Variants in DOCK7 observed in about 807,000 individuals in gnomAD.
DOCK7 encodes the protein dedicator of cytokinesis protein 7.
Under a neutral mutation model 271.0 loss-of-function variants are expected in DOCK7, and 138 were observed. The ratio of observed to expected loss-of-function variants is 0.51; its 90% CI spans 0.44 to 0.59. The LOEUF (loss-of-function observed/expected upper bound fraction) is 0.59, where lower values mean the gene tolerates loss of function less well. DOCK7 is among the 20% of genes least tolerant of loss of function. DOCK7 has a pLI of 0.00. For missense variants in DOCK7, 2,066 were observed against 2,592.4 expected, an observed-to-expected ratio of 0.80 and a Z score of 4.41; for synonymous variants, 823 against 876.1, an observed-to-expected ratio of 0.94 and a Z score of 1.07.
chr1:62,653,942 T>C (rs1657676383), intron 3 of DOCK7, 42 bp downstream of exon 3: 1 of 1,590,376 alleles, frequency 6.3e-7, no homozygotes, highest in African/African-American at 1.4e-5. Context: ...GTAGCCTTTC[T>C]ATAGTTCCTC....
chr1:62,512,848 C>T (rs2149337986), intron 33 of DOCK7, among the ~76,000 whole-genome samples: 1 of 151,792 alleles, frequency 6.6e-6, no homozygotes, highest in East Asian at 1.9e-4. Context: ...GAGGTCAATG[C>T]TGCAGTAAGC....
intron 7 of DOCK7, among the ~76,000 whole-genome samples, chr1:62,642,407 TCTA>T (rs1656149745): frequency 6.6e-6 from 1 of 152,128 alleles, no homozygotes; most frequent in South Asian, 2.1e-4. Flanking sequence ...CCTGGCCTGT[TCTA>T]CTTTTTCTAA....
rs1219021390 is a variant in DOCK7, at chr1:62,504,786, TA to T, written c.4612-5del. On this transcript the variant is annotated splice_region_variant and splice_polypyrimidine_tract_variant and intron_variant, in intron 36 of 49. Coordinates refer to ENST00000635253, the MANE Select transcript of DOCK7 (RefSeq NM_001367561.1). Reference sequence around the variant, plus strand: ...CTTCAAATAAGAGTTCAGGAAACTGTAAAACAACAAAACAAACCACCACTGA... The same window carrying T: ...CTTCAAATAAGAGTTCAGGAAACTGTAAACAACAAAACAAACCACCACTGA... The T allele has an allele frequency of 6.2e-7, 1 of 1,608,586 alleles. No homozygotes were observed. Among genetic ancestry groups the T allele is most frequent in the East Asian group, 2.2e-5 (1 of 44,842 alleles).
At chr1:62,544,921 A>G (rs1645652058) in intron 23 of DOCK7, 26 bp downstream of exon 23, 8 of 1,520,740 alleles carry the variant, frequency 5.3e-6, no homozygotes, top group Non-Finnish European at 7.1e-6. Flanking sequence ...AGCAGCCAAT[A>G]AAGAAACCTC....
rs532099234 is a variant in DOCK7 at position 62,622,795 on chromosome 1, T to C, written c.1425+2464A>G. Among the ~76,000 whole-genome samples the C allele has an allele frequency of 6.8e-4, 103 of 152,048 alleles. 2 individuals carry two copies. In the South Asian group the frequency reaches 0.02, roughly 30 times the overall value. ...AATACAAAAAATTAGCCAGGCATGGTGGCAGGCGCCTGTAGTCCCAGCTAC... is the reference window on the plus strand; with the variant it reads ...AATACAAAAAATTAGCCAGGCATGGCGGCAGGCGCCTGTAGTCCCAGCTAC... On this transcript the variant is annotated intron_variant, in intron 12 of 49. Coordinates refer to ENST00000635253, the MANE Select transcript of DOCK7 (RefSeq NM_001367561.1).
chr1:62,460,098 C>CAAAA (rs71053316), intron 48 of DOCK7, among the ~76,000 whole-genome samples: 13 of 66,010 alleles, frequency 2.0e-4, no homozygotes, highest in Middle Eastern at 0.014. Context: ...AGACTCGTCT[C>CAAAA]AAAAAAAAAA....
chr1:62,652,959 A>G (rs1301193088), intron 4 of DOCK7, among the ~76,000 whole-genome samples: 1 of 152,234 alleles, frequency 6.6e-6, no homozygotes, highest in Non-Finnish European at 1.5e-5. Context: ...GAAATAAGAC[A>G]GCCATGAGGG....
chr1:62,571,286 C>A (rs566514244), intron 18 of DOCK7, among the ~76,000 whole-genome samples: 2 of 152,058 alleles, frequency 1.3e-5, no homozygotes, highest in Admixed American at 6.6e-5. Context: ...ATGTGGCCAA[C>A]AAACATACGA....
chr1:62,680,740 T>A (rs2149772981), intron 1 of DOCK7, among the ~76,000 whole-genome samples: 1 of 151,420 alleles, frequency 6.6e-6, no homozygotes, highest in East Asian at 1.9e-4. Flanking sequence ...GAACAGACAC[T>A]TCTCAAAAGA....
intron 14 of DOCK7, among the ~76,000 whole-genome samples, chr1:62,599,529 C>A (rs1010650310): frequency 2.6e-5 from 4 of 152,028 alleles, no homozygotes; most frequent in Non-Finnish European, 4.4e-5. Flanking sequence ...TTTAACATAA[C>A]ATAAATTTTA....
At chr1:62,528,054 G>T in intron 31 of DOCK7, 97 bp downstream of exon 31, 2 of 1,249,674 alleles carry the variant, frequency 1.6e-6, no homozygotes, top group Non-Finnish European at 2.1e-6. Context: ...GAGCACTTTT[G>T]CATCAGCTGA....
chr1:62,662,304 A>T (rs1242387007), intron 2 of DOCK7, among the ~76,000 whole-genome samples: 1 of 152,194 alleles, frequency 6.6e-6, no homozygotes, highest in Admixed American at 6.5e-5. Context: ...ATAAGAGAAC[A>T]TTTATGTCTC....
intron 12 of DOCK7, among the ~76,000 whole-genome samples, chr1:62,623,385 A>G (rs1353926472): frequency 6.6e-6 from 1 of 152,232 alleles, no homozygotes; most frequent in Non-Finnish European, 1.5e-5. Context: ...CCATGTTTCC[A>G]GCAATCATTT....
chr1:62,607,361 A>T (rs1460631175), intron 14 of DOCK7, among the ~76,000 whole-genome samples: 1 of 152,198 alleles, frequency 6.6e-6, no homozygotes, highest in Non-Finnish European at 1.5e-5. Flanking sequence ...CCCGGAAGAC[A>T]TCTCTGGCTT....
At chr1:62,496,164 A>G (rs889175745) in intron 38 of DOCK7, among the ~76,000 whole-genome samples, 175 bp downstream of exon 38, 1 of 152,210 alleles carries the variant, frequency 6.6e-6, no homozygotes, top group African/African-American at 2.4e-5. Flanking sequence ...ATTTCCAAAA[A>G]GAAGGGTAGC....
At chr1:62,608,609 C>T (rs1651344494) in intron 14 of DOCK7, 2 of 152,114 alleles carry the variant, frequency 1.3e-5, no homozygotes, top group Non-Finnish European at 2.9e-5. Flanking sequence ...AAAAATAGTA[C>T]TAAAAGCTCC....
chr1:62,642,318 A>C (rs1484668837), intron 7 of DOCK7, among the ~76,000 whole-genome samples: 6 of 152,034 alleles, frequency 3.9e-5, no homozygotes, highest in African/African-American at 1.4e-4. Context: ...CATGTTGTCC[A>C]GGCTTGAACT....
rs150216310 is a variant in DOCK7 at position 62,654,144 on chromosome 1, C to T, written c.160G>A (p.Ala54Thr). ...SHHTTVPLTE[A>T]VDPVDLEDYL... is the part of the protein sequence containing the mutation. ...TCTTCCAAATCCACTGGATCTACTG[C>T]TTCGGTAAGGGGCACCTTTGTAAAA... The change falls in exon 3 of 50, where the codon GCA (alanine) becomes ACA (threonine). Residue 54 changes from alanine to threonine, a missense_variant. By Grantham distance (58) the Ala-to-Thr change is moderately conservative (BLOSUM62 0). Coordinates refer to ENST00000635253, the MANE Select transcript of DOCK7 (RefSeq NM_001367561.1). The T allele has an allele frequency of 2.8e-5, 45 of 1,612,780 alleles. No homozygotes were observed. In the African/African-American group the frequency reaches 5.5e-4, roughly 20 times the overall value.
chr1:62,620,627 T>C (rs2149590890), intron 12 of DOCK7, among the ~76,000 whole-genome samples: 1 of 151,686 alleles, frequency 6.6e-6, no homozygotes, highest in South Asian at 2.1e-4. Context: ...ACGCCTGTAA[T>C]CCCAGCACTT....
Sources: gnomAD v4.1 joint callset for allele counts (sites outside exome capture counted in the v4.1 genomes callset) on GRCh38, gnomAD v4.1.1 for gene constraint, MANE v1.5 for transcripts, NCBI Gene and HGNC (gene_info 2026-07-23, HGNC 2026-07-21) for gene names.